ESR2: variants seen among roughly 807,000 people sequenced by gnomAD.
The protein encoded by ESR2 is estrogen receptor 2, also known as estrogen receptor beta.
ESR2 carries 36 observed loss-of-function variants against 49.6 expected under a neutral mutation model. The ratio of observed to expected loss-of-function variants is 0.73; its 90% CI spans 0.56 to 0.96. The LOEUF (loss-of-function observed/expected upper bound fraction) is 0.96. Among genes scored for constraint, ESR2 ranks in the 40% least tolerant of loss-of-function variants. The probability of loss-of-function intolerance (pLI) is 0.00; values close to 1 mark genes in which losing one functional copy is unlikely to be tolerated. For missense variants in ESR2, 714 were observed against 693.0 expected (o/e 1.03, Z -0.34); for synonymous variants, 320 against 266.1 (o/e 1.20, Z -1.97).
At chr14:64,291,985 C>T (rs1020225488) in intron 1 of ESR2, among the ~76,000 whole-genome samples, 2 of 151,898 alleles carry the variant, frequency 1.3e-5, no homozygotes, top group African/African-American at 2.4e-5. Context: ...TTTTAATGGC[C>T]TTGTATTTCA....
chr14:64,256,466 C>T (rs960048496), intron 6 of ESR2, among the ~76,000 whole-genome samples: 2 of 152,152 alleles, frequency 1.3e-5, no homozygotes, highest in African/African-American at 4.8e-5. Context: ...TGGTGGCTCA[C>T]GCCTGTAATC....
intron 1 of ESR2, among the ~76,000 whole-genome samples, chr14:64,309,229 C>T (rs1187156092): frequency 6.6e-6 from 1 of 152,122 alleles, no homozygotes; most frequent in Non-Finnish European, 1.5e-5. Flanking sequence ...TCATTTACTG[C>T]TTAAGAGAGT....
chr14:64,235,720 T>C (rs1024144330), intron 7 of ESR2, among the ~76,000 whole-genome samples: 4 of 152,158 alleles, frequency 2.6e-5, no homozygotes, highest in Non-Finnish European at 5.9e-5. Flanking sequence ...CAGACAGACC[T>C]ACTTTCTAGC....
chr14:64,322,568 T>C lies in ESR2; in HGVS notation c.-91+15330A>G, dbSNP rs142715613. 5.8e-3 allele frequency among the ~76,000 whole-genome samples: 840 copies of C among 145,146 alleles called. 10 individuals are homozygous for C. The highest frequency in any genetic ancestry group is 0.021 in the African/African-American group (813 of 39,534). On this transcript the variant is annotated intron_variant, in intron 1 of 8. Transcript: ENST00000358599. ...TTATCTTCACTAGTAGTCAAGAAAA[T>C]GTAAATTACAATAATAATGAGGTAC... is the stretch of plus-strand genomic sequence containing the variant.
At chr14:64,318,537 CAA>C (rs58597271) in intron 1 of ESR2, among the ~76,000 whole-genome samples, 150 of 32,406 alleles carry the variant, frequency 4.6e-3, no homozygotes, top group African/African-American at 9.3e-3. Flanking sequence ...AACTCCATCT[CAA>C]AAAAAAAAAA....
chr14:64,323,617 T>C (rs1349467993), intron 1 of ESR2, among the ~76,000 whole-genome samples: 3 of 152,182 alleles, frequency 2.0e-5, no homozygotes, highest in Admixed American at 2.0e-4. Context: ...AAGGCAGAGG[T>C]GGAGGCTAGA....
chr14:64,295,201 C>A (rs2076941427), upstream of ESR2, among the ~76,000 whole-genome samples: 1 of 138,596 alleles, frequency 7.2e-6, no homozygotes, highest in Non-Finnish European at 1.5e-5. Flanking sequence ...TTGTGAGAAC[C>A]CCCCAGTGTC....
chr14:64,288,842 C>T (rs764945930), intron 1 of ESR2, among the ~76,000 whole-genome samples: 6 of 151,322 alleles, frequency 4.0e-5, no homozygotes, highest in Non-Finnish European at 7.4e-5. Context: ...CAAAATTAGC[C>T]GGGTGTGGCA....
intron 3 of ESR2, among the ~76,000 whole-genome samples, chr14:64,277,858 G>C (rs879603950): frequency 6.6e-6 from 1 of 151,946 alleles, no homozygotes; most frequent in Non-Finnish European, 1.5e-5. Flanking sequence ...ATTCCTGTCT[G>C]ATGCAGCAGG....
intron 7 of ESR2, among the ~76,000 whole-genome samples, 184 bp from the exon 8 acceptor site, chr14:64,235,334 A>T (rs1433861959): frequency 6.6e-6 from 1 of 152,230 alleles, no homozygotes; most frequent in African/African-American, 2.4e-5. Flanking sequence ...CAGCCCCGTC[A>T]CAGAGCTAGA....
intron 7 of ESR2, among the ~76,000 whole-genome samples, chr14:64,238,747 G>A (rs1303138408): frequency 1.4e-5 from 2 of 146,154 alleles, no homozygotes; most frequent in Non-Finnish European, 3.0e-5. Flanking sequence ...AACGGAAGAA[G>A]TATAGTTTAA....
chr14:64,314,111 C>T (rs560240714), intron 1 of ESR2, among the ~76,000 whole-genome samples: 10 of 151,964 alleles, frequency 6.6e-5, no homozygotes, highest in African/African-American at 1.7e-4. Context: ...GTAAGATAGA[C>T]CATATCCTGA....
chr14:64,235,083 G>A lies in ESR2; in HGVS notation c.1293C>T (p.Asn431=), dbSNP rs1389084021. 32 of 1,614,096 alleles carry A rather than the reference G, an allele frequency of 2.0e-5. No individual in the cohort carries two copies. The highest frequency in any genetic ancestry group is 1.6e-4 in the Middle Eastern group (1 of 6,084). ...DSSRKLAHLL[N]AVTDALVWVI... The stretch of plus-strand genomic sequence containing the variant: ...CCCAAACCAAAGCATCGGTCACGGC[G>A]TTCAGCAAGTGAGCCAGCTTCCGGC... The change falls in exon 8 of 9, where the codon AAC becomes AAT. Residue 431 remains asparagine (N), a synonymous_variant. Coordinates refer to ENST00000341099, the MANE Select transcript of ESR2 (RefSeq NM_001437.3).
chr14:64,324,850 C>T (rs1381848902), intron 1 of ESR2, among the ~76,000 whole-genome samples: 1 of 152,074 alleles, frequency 6.6e-6, no homozygotes, highest in Non-Finnish European at 1.5e-5. Flanking sequence ...ATCTGATACA[C>T]AATAGTAAGA....
intron 6 of ESR2, among the ~76,000 whole-genome samples, chr14:64,252,992 A>C (rs1445444771): frequency 1.4e-4 from 21 of 151,846 alleles, no homozygotes; most frequent in African/African-American, 4.8e-4. Flanking sequence ...TGTAGCTGGG[A>C]TTACAGGCAC....
chr14:64,258,783 G>A (rs1474275921), intron 5 of ESR2, among the ~76,000 whole-genome samples: 1 of 152,136 alleles, frequency 6.6e-6, no homozygotes, highest in Non-Finnish European at 1.5e-5. Context: ...CATAGTGATT[G>A]ACAATAAGCC....
intron 7 of ESR2, among the ~76,000 whole-genome samples, chr14:64,244,566 C>T (rs1297525687): frequency 6.6e-6 from 1 of 152,176 alleles, no homozygotes; most frequent in African/African-American, 2.4e-5. Flanking sequence ...TGCCCTTGGA[C>T]ATCAGAACTC....
intron 1 of ESR2, among the ~76,000 whole-genome samples, chr14:64,319,210 T>G (rs1044130885): frequency 1.3e-5 from 2 of 152,238 alleles, no homozygotes; most frequent in Admixed American, 1.3e-4. Context: ...TACATACAAC[T>G]ACATATCCAC....
rs1207715518 is a variant in ESR2, at chr14:64,280,104, T to G, written c.412A>C (p.Thr138Pro). Reference protein sequence around the residue: ...VSGNRCASPVTGPGSKRDAHF... With the variant: ...VSGNRCASPVPGPGSKRDAHF... The stretch of plus-strand genomic sequence containing the variant: ...GCATCCCTCTTTGAACCTGGACCAG[T>G]AACAGGGCTGGCGCAACGGTTCCCA... The change falls in exon 3 of 9, where the codon ACT becomes CCT. Residue 138 changes from threonine (T) to proline (P), a missense_variant. Coordinates refer to ENST00000341099, the MANE Select transcript of ESR2 (RefSeq NM_001437.3). 1 of 1,613,960 alleles carries G rather than the reference T, an allele frequency of 6.2e-7. No individual in the cohort carries two copies. Among genetic ancestry groups the G allele is most frequent in the Non-Finnish European group, 8.5e-7 (1 of 1,179,938 alleles).
Sources: gnomAD v4.1 joint callset for allele counts (sites outside exome capture counted in the v4.1 genomes callset) on GRCh38, gnomAD v4.1.1 for gene constraint, MANE v1.5 for transcripts, NCBI Gene and HGNC (gene_info 2026-07-23, HGNC 2026-07-21) for gene names.